The following C12orf42 variants were observed in gnomAD, a reference collection of about 807,000 sequenced individuals.
The protein encoded by C12orf42 is uncharacterized protein C12orf42.
Under a neutral mutation model 21.6 loss-of-function variants are expected in C12orf42, and 25 were observed. That is an observed-to-expected ratio of 1.16 (90% CI 0.84 to 1.62). The LOEUF (loss-of-function observed/expected upper bound fraction) is 1.62. Among genes scored for constraint, C12orf42 ranks in the 40% most tolerant of loss-of-function variants. The pLI is 0.00. For missense variants in C12orf42, 483 were observed against 459.3 expected (o/e 1.05, Z -0.47); for synonymous variants, 174 against 175.0 (o/e 0.99, Z 0.05).
the C12orf42 span, among the ~76,000 whole-genome samples, chr12:103,053,597 C>T: frequency 6.6e-6 from 1 of 151,816 alleles, no homozygotes; most frequent in African/African-American, 2.4e-5. Context: ...ATGTTTTTAG[C>T]TTTGATGTGG....
chr12:103,350,588 A>C (rs1332531404), intron 4 of C12orf42, among the ~76,000 whole-genome samples: 1 of 152,208 alleles, frequency 6.6e-6, no homozygotes, highest in East Asian at 1.9e-4. Context: ...AAAACATAGT[A>C]TATATAGGAT....
the C12orf42 span, among the ~76,000 whole-genome samples, chr12:103,106,474 TA>T: frequency 1.3e-5 from 2 of 152,120 alleles, no homozygotes; most frequent in South Asian, 2.1e-4. Flanking sequence ...TGGGTTTGTT[TA>T]AAAAAATATG....
chr12:103,106,943 G>A, the C12orf42 span, among the ~76,000 whole-genome samples: 2 of 151,844 alleles, frequency 1.3e-5, no homozygotes, highest in African/African-American at 4.8e-5. Flanking sequence ...AGAAGGAAAA[G>A]TGTATACCAG....
chr12:103,500,370 GT>G (rs759856038), upstream of C12orf42, among the ~76,000 whole-genome samples: 1 of 152,162 alleles, frequency 6.6e-6, no homozygotes. Flanking sequence ...AAGCATTGAA[GT>G]TTTTTCTGAA....
At chr12:103,258,950 G>T (rs2034755610) in intron 10 of C12orf42, among the ~76,000 whole-genome samples, 1 of 152,056 alleles carries the variant, frequency 6.6e-6, no homozygotes, top group Non-Finnish European at 1.5e-5. Context: ...CTAATATGCT[G>T]ATCATAAAAT....
chr12:103,473,792 G>T (rs1953812838), intron 2 of C12orf42, among the ~76,000 whole-genome samples: 2 of 152,122 alleles, frequency 1.3e-5, no homozygotes, highest in Non-Finnish European at 2.9e-5. Flanking sequence ...ATGCCATATT[G>T]TATTTCTTTG....
chr12:103,462,580 G>A (rs1167945186), intron 2 of C12orf42, among the ~76,000 whole-genome samples: 1 of 152,120 alleles, frequency 6.6e-6, no homozygotes, highest in Non-Finnish European at 1.5e-5. Flanking sequence ...ATATATGTGT[G>A]CAAAGACTAA....
At chr12:103,491,505 C>T (rs1198187322) in intron 1 of C12orf42, among the ~76,000 whole-genome samples, 1 of 152,142 alleles carries the variant, frequency 6.6e-6, no homozygotes, top group African/African-American at 2.4e-5. Flanking sequence ...ATCTAATGGA[C>T]CAAATTTAGC....
chr12:103,221,083 A>G, the C12orf42 span, among the ~76,000 whole-genome samples: 2 of 152,222 alleles, frequency 1.3e-5, no homozygotes, highest in Non-Finnish European at 2.9e-5. Flanking sequence ...CTGAATGTCA[A>G]ACGATTCAGG....
chr12:103,555,573 A>G, the C12orf42 span, among the ~76,000 whole-genome samples: 29 of 152,134 alleles, frequency 1.9e-4, no homozygotes, highest in African/African-American at 6.8e-4. Context: ...TGATCCGAGG[A>G]CCACACTTTG....
intron 4 of C12orf42, among the ~76,000 whole-genome samples, chr12:103,292,487 AAAAG>A (rs1243565468): frequency 6.6e-6 from 1 of 152,124 alleles, no homozygotes; most frequent in Non-Finnish European, 1.5e-5. Flanking sequence ...AAGAAGACCA[AAAAG>A]AAAGAAAGGA....
chr12:103,168,570 AC>A, the C12orf42 span, among the ~76,000 whole-genome samples: 1 of 152,184 alleles, frequency 6.6e-6, no homozygotes, highest in Non-Finnish European at 1.5e-5. Flanking sequence ...ATATTATAAA[AC>A]CAACATTAGT....
At chr12:103,487,773 G>C (rs1454981509) in intron 1 of C12orf42, among the ~76,000 whole-genome samples, 1 of 152,100 alleles carries the variant, frequency 6.6e-6, no homozygotes, top group African/African-American at 2.4e-5. Flanking sequence ...GACTAGGCTT[G>C]CAACCCCTCC....
the C12orf42 span, among the ~76,000 whole-genome samples, chr12:103,201,546 TTGAGA>T: frequency 6.6e-6 from 1 of 152,212 alleles, no homozygotes; most frequent in Non-Finnish European, 1.5e-5. Flanking sequence ...CACCCACTTA[TTGAGA>T]TTTTTCACCC....
chr12:103,371,065 T>C (rs532025746), intron 3 of C12orf42, among the ~76,000 whole-genome samples: 10 of 152,264 alleles, frequency 6.6e-5, no homozygotes, highest in Admixed American at 3.9e-4. Context: ...TAGTACTATT[T>C]GGATATTGTG....
At chr12:103,322,252 G>A (rs950388454) in intron 4 of C12orf42, among the ~76,000 whole-genome samples, 9 of 151,934 alleles carry the variant, frequency 5.9e-5, no homozygotes, top group African/African-American at 2.2e-4. Flanking sequence ...GGCTGCAATG[G>A]GAAAATCACC....
At chr12:103,049,162 T>C in the C12orf42 span, among the ~76,000 whole-genome samples, 1 of 152,232 alleles carries the variant, frequency 6.6e-6, no homozygotes, top group African/African-American at 2.4e-5. Context: ...ACATATCCAT[T>C]TGAATGTGTG....
At chr12:103,530,282 C>A in the C12orf42 span, among the ~76,000 whole-genome samples, 2 of 152,168 alleles carry the variant, frequency 1.3e-5, no homozygotes, top group East Asian at 3.9e-4. Flanking sequence ...ACATGGAGCC[C>A]GGCTGACTTA....
intron 10 of C12orf42, among the ~76,000 whole-genome samples, chr12:103,250,532 GAAAGGGAA>G (rs2034247440): frequency 1.3e-5 from 2 of 152,190 alleles, no homozygotes; most frequent in South Asian, 4.1e-4. Flanking sequence ...CCAGGGAAAG[GAAAGGGAA>G]ACAATGAATG....
Sources: allele counts gnomAD v4.1 joint callset (sites outside exome capture counted in the v4.1 genomes callset), GRCh38; gene constraint gnomAD v4.1.1; transcripts MANE v1.5; gene names NCBI Gene and HGNC (gene_info 2026-07-23, HGNC 2026-07-21).